ZBBX: variants seen among roughly 807,000 people sequenced by gnomAD.
ZBBX encodes the protein zinc finger B-box domain containing.
ZBBX carries 101 observed loss-of-function variants against 108.5 expected under a neutral mutation model. That is an observed-to-expected ratio of 0.93 (90% CI 0.79 to 1.10). The LOEUF is 1.10. Ranked by LOEUF, ZBBX falls within the 50% of genes least tolerant of loss-of-function variation. ZBBX has a pLI of 0.00. For synonymous variants in ZBBX, 356 were observed against 323.4 expected (o/e 1.10, Z -1.08); for missense variants, 1,009 against 941.4 (o/e 1.07, Z -0.94).
At chr3:167,354,425 T>C (rs1743187068) in intron 8 of ZBBX, among the ~76,000 whole-genome samples, 2 of 151,828 alleles carry the variant, frequency 1.3e-5, no homozygotes, top group African/African-American at 4.8e-5. Context: ...CTGGTATGTA[T>C]CAAAATCCAA....
chr3:167,317,675 T>TG, intron 12 of ZBBX, 78 bp from the exon 13 acceptor site: 1 of 897,882 alleles, frequency 1.1e-6, no homozygotes, highest in Non-Finnish European at 1.7e-6. Flanking sequence ...TTGATTTATT[T>TG]ATCAAATGAA....
chr3:167,193,868 C>T, the ZBBX span, among the ~76,000 whole-genome samples: 1 of 151,916 alleles, frequency 6.6e-6, no homozygotes, highest in African/African-American at 2.4e-5. Context: ...ATGAAATAAG[C>T]CAGACACAGA....
the ZBBX span, among the ~76,000 whole-genome samples, chr3:167,184,825 C>G: frequency 6.6e-6 from 1 of 152,130 alleles, no homozygotes; most frequent in East Asian, 1.9e-4. Flanking sequence ...AATGTGCATG[C>G]TACACCTAAA....
intron 17 of ZBBX, among the ~76,000 whole-genome samples, chr3:167,302,734 C>T (rs541921949): frequency 3.3e-5 from 5 of 152,298 alleles, no homozygotes; most frequent in African/African-American, 1.2e-4. Context: ...TTATCACTCA[C>T]AACAATAGCA....
the ZBBX span, among the ~76,000 whole-genome samples, chr3:167,222,956 T>C: frequency 6.6e-6 from 1 of 152,028 alleles, no homozygotes; most frequent in Middle Eastern, 3.4e-3. Flanking sequence ...TGCCAACACA[T>C]AGAAATGATA....
chr3:167,227,685 C>A, the ZBBX span, among the ~76,000 whole-genome samples: 2 of 151,644 alleles, frequency 1.3e-5, no homozygotes, highest in Admixed American at 1.3e-4. Context: ...ATTCACAAAC[C>A]CCCTGAAAGT....
Position 167,317,022 on chromosome 3 carries a change from T to A in ZBBX, c.1177A>T (p.Ile393Leu), listed in dbSNP as rs374729668. 6.2e-6 allele frequency: 10 copies of A among 1,603,086 alleles called. No homozygotes were observed. The African/African-American group carries it at 6.7e-5, about 11-fold the overall frequency. The change falls in exon 14 of 22, where the codon ATA (isoleucine) becomes TTA (leucine). Residue 393 changes from isoleucine (I) to leucine (L), a missense_variant. Transcript: ENST00000675490. ...NIERPEPSLK[I>L]VELDDTYEEE... The stretch of plus-strand genomic sequence containing the variant: ...GCACTTACATCATCCAGTTCGACTA[T>A]CTTTAGAGATGGTTCAGGTCTCTCT...
At chr3:167,186,911 A>G in the ZBBX span, among the ~76,000 whole-genome samples, 1 of 152,304 alleles carries the variant, frequency 6.6e-6, no homozygotes, top group Non-Finnish European at 1.5e-5. Context: ...TATTTTTCTC[A>G]TTTTAAATTT....
intron 9 of ZBBX, among the ~76,000 whole-genome samples, chr3:167,337,929 A>C (rs1739853947): frequency 6.6e-6 from 1 of 152,154 alleles, no homozygotes; most frequent in Non-Finnish European, 1.5e-5. Context: ...TTTTATTTCC[A>C]TTTTCTAAGT....
Position 167,305,708 on chromosome 3 carries a change from A to C in ZBBX, c.1660T>G (p.Leu554Val). The change falls in exon 17 of 22, where the codon TTG becomes GTG. Residue 554 changes from leucine to valine, a missense_variant. Transcript: ENST00000675490. ...EKLSQDIKES[L>V]ELSNLYKRPS... ...CTCTTATACAGATTGCTCAATTCCAAGGATTCTTTGATGTCTTGAGATAAT... is the reference window on the plus strand; with the variant it reads ...CTCTTATACAGATTGCTCAATTCCACGGATTCTTTGATGTCTTGAGATAAT... The C allele has an allele frequency of 6.2e-7, 1 of 1,610,708 alleles. No individual in the cohort carries two copies.
chr3:167,323,243 G>C (rs373197310), intron 11 of ZBBX, among the ~76,000 whole-genome samples: 1,770 of 144,714 alleles, frequency 0.012, 97 homozygotes, highest in African/African-American at 0.016. Flanking sequence ...AAAAGAGGGG[G>C]GGGGGGGAAA....
chr3:167,267,285 G>A (rs910282247), intron 20 of ZBBX, among the ~76,000 whole-genome samples: 2 of 152,062 alleles, frequency 1.3e-5, no homozygotes, highest in African/African-American at 2.4e-5. Flanking sequence ...GCTAAAGAAG[G>A]GTACAAGGAA....
In ZBBX at chr3:167,282,608, G is replaced by A. The variant is rs556191855; in HGVS notation, c.1997-113C>T. ...AGAGAAGTTAAGTTCATGTAACAGA[G>A]TTTATGAAAAGTTAACTTTGACTAT... On this transcript the variant is annotated intron_variant, in intron 19 of 21. Coordinates refer to ENST00000675490, the MANE Select transcript of ZBBX (RefSeq NM_001199201.2). The A allele has an allele frequency of 2.6e-4, 239 of 903,564 alleles. 1 individual carries two copies. In the South Asian group the frequency reaches 3.9e-3, roughly 15 times the overall value. 56.0% of individuals were successfully genotyped at this position (903,564 alleles called of 1,614,324 possible). A position where few individuals can be genotyped will look rare whatever the true frequency, so the allele number is the denominator to read the frequency against.
intron 20 of ZBBX, among the ~76,000 whole-genome samples, chr3:167,271,351 C>G (rs941184536): frequency 6.6e-6 from 1 of 152,336 alleles, no homozygotes; most frequent in East Asian, 1.9e-4. Context: ...GCTAGGGAAA[C>G]AACTTAGCAG....
At chr3:167,385,768 G>A (rs890121805) in intron 1 of ZBBX, among the ~76,000 whole-genome samples, 3 of 151,938 alleles carry the variant, frequency 2.0e-5, no homozygotes, top group Admixed American at 6.6e-5. Context: ...ATCCCCAGGC[G>A]ATAAGTAATT....
In ZBBX at chr3:167,298,407, C is replaced by T; in HGVS notation, c.1777G>A (p.Gly593Arg). Residue 593 changes from glycine to arginine, a missense_variant, in exon 18 of 22, where the codon GGA (glycine) becomes AGA (arginine). Physicochemically the swap from Gly to Arg is moderately radical, Grantham distance 125. Transcript: ENST00000675490. ...RSKPITKQYQGLERFFIFDTN... is the reference protein window; with the variant it reads ...RSKPITKQYQRLERFFIFDTN... ...TCAAAAATAAAGAATCTCTCAAGTC[C>T]TTGATATTGTTTTGTTATAGGCTTA... 6.3e-7 allele frequency: 1 copy of T among 1,587,390 alleles called. No individual in the cohort carries two copies. The highest frequency in any genetic ancestry group is 8.6e-7 in the Non-Finnish European group (1 of 1,164,084).
chr3:167,359,837 A>G, intron 8 of ZBBX, 33 bp downstream of exon 8: 1 of 1,089,508 alleles, frequency 9.2e-7, no homozygotes, highest in Non-Finnish European at 1.3e-6. Context: ...CCTACTATAC[A>G]GTATATGTAT....
At chr3:167,395,380 G>A (rs1456035177) in intron 1 of ZBBX, among the ~76,000 whole-genome samples, 1 of 152,034 alleles carries the variant, frequency 6.6e-6, no homozygotes, top group Non-Finnish European at 1.5e-5. Flanking sequence ...AAATGAGGAT[G>A]TGAATGCTCT....
intron 19 of ZBBX, 50 bp from the exon 20 acceptor site, chr3:167,282,545 G>C: frequency 6.7e-7 from 1 of 1,489,102 alleles, no homozygotes; most frequent in African/African-American, 1.4e-5. Flanking sequence ...AAATTTGAAT[G>C]AGTACTTAAA....
Sources: gnomAD v4.1 joint callset for allele counts (sites outside exome capture counted in the v4.1 genomes callset) on GRCh38, gnomAD v4.1.1 for gene constraint, MANE v1.5 for transcripts, NCBI Gene and HGNC (gene_info 2026-07-23, HGNC 2026-07-21) for gene names.